BHMT2: variants seen among roughly 807,000 people sequenced by gnomAD.
The protein encoded by BHMT2 is S-methylmethionine--homocysteine S-methyltransferase BHMT2.
BHMT2 carries 28 observed loss-of-function variants against 39.0 expected under a neutral mutation model. The observed-to-expected ratio is 0.72, with a 90% CI of 0.53 to 0.98. The LOEUF is 0.98. Among genes scored for constraint, BHMT2 ranks in the 50% least tolerant of loss-of-function variants. The probability of loss-of-function intolerance (pLI) is 0.00; values close to 1 mark genes in which losing one functional copy is unlikely to be tolerated. For missense variants in BHMT2, 410 were observed against 455.6 expected (o/e 0.90, Z 0.91); for synonymous variants, 145 against 160.6 (o/e 0.90, Z 0.74).
At chr5:79,070,909 T>C (rs573697045) in intron 1 of BHMT2, among the ~76,000 whole-genome samples, 4 of 152,350 alleles carry the variant, frequency 2.6e-5, no homozygotes, top group Middle Eastern at 3.4e-3. Context: ...GGAATATTGG[T>C]TTAAAAAGCA....
At chr5:79,074,769 A>G (rs1025980523) in intron 1 of BHMT2, among the ~76,000 whole-genome samples, 2 of 152,196 alleles carry the variant, frequency 1.3e-5, no homozygotes, top group African/African-American at 4.8e-5. Flanking sequence ...ACACATGGAC[A>G]TTCACTGATG....
chr5:79,075,278 T>G (rs987318912), intron 1 of BHMT2, among the ~76,000 whole-genome samples: 1 of 151,536 alleles, frequency 6.6e-6, no homozygotes, highest in African/African-American at 2.4e-5. Context: ...TAAAAAAGAG[T>G]CCCCCACAAA....
intron 7 of BHMT2, among the ~76,000 whole-genome samples, chr5:79,087,778 C>G (rs1034486635): frequency 6.6e-6 from 1 of 152,170 alleles, no homozygotes; most frequent in Non-Finnish European, 1.5e-5. Context: ...TATACTTTGA[C>G]TCATTACATT....
rs756123703 is a variant in BHMT2, at chr5:79,082,912, A to G, written c.554A>G (p.His185Arg). Reference protein sequence around the residue: ...TMCIGPEGDMHDITPGECAVR... With the variant: ...TMCIGPEGDMRDITPGECAVR... ...TGCATAGGCCCAGAGGGAGACATGC[A>G]TGATATAACCCCCGGAGAATGTGCT... The change falls in exon 5 of 8, where the codon CAT becomes CGT. Residue 185 changes from histidine (H) to arginine (R), a missense_variant. Coordinates refer to ENST00000255192, the MANE Select transcript of BHMT2 (RefSeq NM_017614.5). 1 of 1,614,222 alleles carries G rather than the reference A, an allele frequency of 6.2e-7. No individual in the cohort carries two copies. Among genetic ancestry groups the G allele is most frequent in the Non-Finnish European group, 8.5e-7 (1 of 1,180,046 alleles).
At position 79,077,448 on chromosome 5, in the gene BHMT2, C is replaced by T. The variant is rs1477828325; in HGVS notation, c.34-32C>T. 9.6e-6 allele frequency: 15 copies of T among 1,565,160 alleles called. No homozygotes were observed. The East Asian group carries it at 1.1e-4, about 12-fold the overall frequency. On this transcript the variant is annotated intron_variant, in intron 1 of 7. Transcript: ENST00000255192. ...TTTAGGAAAAAAAAAAAAAGTAGAG[C>T]GGAGCTTAGGTGCTTTTTTTCTCTT...
intron 1 of BHMT2, among the ~76,000 whole-genome samples, chr5:79,076,717 T>A (rs1330014844): frequency 6.6e-6 from 1 of 152,204 alleles, no homozygotes; most frequent in African/African-American, 2.4e-5. Context: ...GCAGAGTTGC[T>A]GGGAGTGCCA....
At chr5:79,084,678 G>C (rs565828030) in intron 7 of BHMT2, among the ~76,000 whole-genome samples, 77 of 152,302 alleles carry the variant, frequency 5.1e-4, no homozygotes, top group African/African-American at 1.7e-3. Flanking sequence ...TGGGGACACA[G>C]ACAATCAGAC....
At chr5:79,080,013 A>AT (rs573831152) in intron 3 of BHMT2, among the ~76,000 whole-genome samples, 1 of 152,190 alleles carries the variant, frequency 6.6e-6, no homozygotes, top group Non-Finnish European at 1.5e-5. Context: ...TTCTTGTGCT[A>AT]TTTTTTAGAG....
chr5:79,077,809 C>A (rs1755700820), intron 2 of BHMT2, 197 bp downstream of exon 2: 1 of 500,180 alleles, frequency 2.0e-6, no homozygotes. Flanking sequence ...CATACACACA[C>A]CTACCCACAT....
chr5:79,069,855 G>T (rs1469612448), intron 1 of BHMT2, 40 bp downstream of exon 1: 1 of 1,366,620 alleles, frequency 7.3e-7, no homozygotes, highest in Non-Finnish European at 9.5e-7. Context: ...GCTCCTGGCC[G>T]CTGGGCTGCG....
At chr5:79,072,715 A>T (rs1256667693) in intron 1 of BHMT2, among the ~76,000 whole-genome samples, 1 of 152,208 alleles carries the variant, frequency 6.6e-6, no homozygotes. Flanking sequence ...AAGGGGTATA[A>T]TCACAGGTGA....
At chr5:79,072,911 A>C (rs1370910385) in intron 1 of BHMT2, among the ~76,000 whole-genome samples, 3 of 151,552 alleles carry the variant, frequency 2.0e-5, no homozygotes, top group African/African-American at 7.3e-5. Context: ...AACCTACAAC[A>C]TCTGAATTCT....
Position 79,083,640 on chromosome 5 carries a change from G to T in BHMT2, c.794G>T (p.Arg265Ile), listed in dbSNP as rs1317084891. 3.1e-6 allele frequency: 5 copies of T among 1,614,004 alleles called. No individual in the cohort carries two copies. The highest frequency in any genetic ancestry group is 4.2e-6 in the Non-Finnish European group (5 of 1,179,916). Residue 265 changes from arginine (R) to isoleucine (I), a missense_variant, in exon 7 of 8, where the codon AGA (arginine) becomes ATA (isoleucine). Physicochemically the swap from Arg to Ile is moderately conservative, Grantham distance 97. Transcript: ENST00000255192. ...TATTGTGATTCAGGACTGGAGTCCA[G>T]AGTTGCCACCAGATGGGATATTCAA... Reference protein sequence around the residue: ...LPEYPFGLESRVATRWDIQKY... With the variant: ...LPEYPFGLESIVATRWDIQKY...
chr5:79,077,855 CCA>C (rs1050906013), intron 2 of BHMT2: 236 of 334,254 alleles, frequency 7.1e-4, no homozygotes, highest in East Asian at 1.3e-3. Context: ...ACACACACTC[CCA>C]CACACACACA....
intron 2 of BHMT2, 60 bp from the exon 3 acceptor site, chr5:79,079,309 A>G: frequency 7.8e-7 from 1 of 1,274,182 alleles, no homozygotes; most frequent in East Asian, 2.4e-5. Context: ...TGAAAATGAT[A>G]GCTTCTGTAA....
rs1393493813 is a variant in BHMT2, at chr5:79,079,416, C to T, written c.214C>T (p.Gln72Ter). 1 of 1,613,976 alleles carries T rather than the reference C, an allele frequency of 6.2e-7. No individual in the cohort carries two copies. The highest frequency in any genetic ancestry group is 1.1e-5 in the South Asian group (1 of 91,064). Reference sequence around the variant, plus strand: ...CTTGAGAGCAGGATCAAATGTCATGCAGACTTTTACCTTTTCTGCCAGTGA... The same window carrying T: ...CTTGAGAGCAGGATCAAATGTCATGTAGACTTTTACCTTTTCTGCCAGTGA... ...EFLRAGSNVM[Q>*]TFTFSASEDN... The change falls in exon 3 of 8, where the codon CAG (glutamine) becomes TAG (stop). Residue 72 changes from glutamine (Q) to a stop codon, truncating the protein, a stop_gained. Transcript: ENST00000255192. LOFTEE classifies it high-confidence loss of function.
Position 79,077,520 on chromosome 5 carries a change from G to C in BHMT2, c.74G>C (p.Gly25Ala). The change falls in exon 2 of 8, where the codon GGA (glycine) becomes GCA (alanine). Residue 25 changes from glycine (G) to alanine (A), a missense_variant. By Grantham distance (60) the Gly-to-Ala change is moderately conservative. Transcript: ENST00000255192. ...CTGGAGAGTGGGGAGGTTGTGATTG[G>C]AGATGGCAGCTTTCTCATTACTCTG... ...ERLESGEVVI[G>A]DGSFLITLEK... 2 of 1,613,972 alleles carry C rather than the reference G, an allele frequency of 1.2e-6. No homozygotes were observed. Among genetic ancestry groups the C allele is most frequent in the Non-Finnish European group, 1.7e-6 (2 of 1,179,984 alleles).
At chr5:79,083,930 A>G (rs1220882007) in intron 7 of BHMT2, 74 bp downstream of exon 7, 3 of 1,500,478 alleles carry the variant, frequency 2.0e-6, no homozygotes, top group Non-Finnish European at 2.7e-6. Flanking sequence ...AATGTCATGC[A>G]TGCACATGAC....
At chr5:79,076,691 G>GTC (rs10679800) in intron 1 of BHMT2, among the ~76,000 whole-genome samples, 127,747 of 151,910 alleles carry the variant, frequency 0.84, 53,800 homozygotes, top group East Asian at 0.93. Flanking sequence ...AATAAAAACT[G>GTC]TGTCCTGCCT....
Sources: gnomAD v4.1 joint callset for allele counts (sites outside exome capture counted in the v4.1 genomes callset) on GRCh38, gnomAD v4.1.1 for gene constraint, MANE v1.5 for transcripts, NCBI Gene and HGNC (gene_info 2026-07-23, HGNC 2026-07-21) for gene names.